Variants in FRMPD4 observed in about 807,000 individuals in gnomAD.
The protein encoded by FRMPD4 is FERM and PDZ domain-containing protein 4.
In FRMPD4, 22 loss-of-function variants were observed where a neutral mutation model predicts 94.1. That is an observed-to-expected ratio of 0.23 (90% CI 0.17 to 0.33). The LOEUF (loss-of-function observed/expected upper bound fraction) is 0.33. Among genes scored for constraint, FRMPD4 ranks in the 10% least tolerant of loss-of-function variants. The probability of loss-of-function intolerance (pLI) is 1.00; values close to 1 mark genes in which losing one functional copy is unlikely to be tolerated. For missense variants in FRMPD4, 1,111 were observed against 1,339.9 expected (o/e 0.83, Z 2.67); for synonymous variants, 631 against 548.6 (o/e 1.15, Z -2.10).
intron 2 of FRMPD4, among the ~76,000 whole-genome samples, chrX:12,559,304 A>G (rs1024286448): frequency 7.1e-5 from 8 of 112,080 alleles, no homozygotes; most frequent in Admixed American, 2.8e-4. Context: ...GGAAGTGACA[A>G]AAGATTTTTC....
intron 3 of FRMPD4, among the ~76,000 whole-genome samples, chrX:12,017,530 T>C (rs2054610427): frequency 8.9e-6 from 1 of 112,212 alleles, no homozygotes; most frequent in Admixed American, 9.4e-5. Context: ...AAAGAGCTCG[T>C]TCAGGCCCAA....
chrX:12,026,337 AC>A (rs1324281305), intron 3 of FRMPD4, among the ~76,000 whole-genome samples: 1 of 111,836 alleles, frequency 8.9e-6, no homozygotes, highest in Non-Finnish European at 1.9e-5. Context: ...TTTTTTAAGT[AC>A]TAGGGATGGA....
intron 4 of FRMPD4, among the ~76,000 whole-genome samples, chrX:12,616,731 G>A (rs1165529504): frequency 8.9e-6 from 1 of 112,545 alleles, no homozygotes; most frequent in African/African-American, 3.2e-5. Context: ...AGATGTGTGT[G>A]GGTGTCAGCA....
At position 12,208,683 on chromosome X, in the gene FRMPD4, C is replaced by A. The variant is rs184376458; in HGVS notation, c.41+69671C>A. On this transcript the variant is annotated intron_variant, in intron 1 of 16. Transcript: ENST00000675598. ...ATAAAAATAGGCATATAATACCTTA[C>A]TATACTATAATAAAATGTTTACAGT... Among the ~76,000 whole-genome samples the A allele has an allele frequency of 9.9e-3, 1,102 of 111,779 alleles. 10 individuals carry two copies. The highest frequency in any genetic ancestry group is 0.033 in the African/African-American group (1,007 of 30,854).
intron 7 of FRMPD4, among the ~76,000 whole-genome samples, chrX:12,688,787 T>C (rs1347091475): frequency 9.3e-6 from 1 of 107,635 alleles, no homozygotes; most frequent in East Asian, 2.9e-4. Context: ...GTCAAGGCAT[T>C]TCTCTTGAAT....
intron 1 of FRMPD4, among the ~76,000 whole-genome samples, chrX:12,363,394 G>A (rs1232333446): frequency 2.7e-5 from 3 of 112,635 alleles, no homozygotes; most frequent in Admixed American, 9.3e-5. Flanking sequence ...GGACAGACAG[G>A]CAGGGCTCAC....
At chrX:11,885,714 G>A (rs1327115570) in intron 3 of FRMPD4, among the ~76,000 whole-genome samples, 2 of 110,596 alleles carry the variant, frequency 1.8e-5, no homozygotes, top group Non-Finnish European at 3.8e-5. Context: ...TTTAGGGCAC[G>A]GGGCTTCAAT....
chrX:11,964,832 A>C (rs769192317), intron 3 of FRMPD4, among the ~76,000 whole-genome samples: 1 of 113,073 alleles, frequency 8.8e-6, no homozygotes, highest in East Asian at 2.8e-4. Flanking sequence ...CACTAGACTG[A>C]AACTGAGATG....
intron 1 of FRMPD4, among the ~76,000 whole-genome samples, chrX:12,300,058 G>A (rs779005178): frequency 1.1e-4 from 12 of 111,952 alleles, no homozygotes; most frequent in African/African-American, 3.9e-4. Context: ...ATTCTGACTC[G>A]CAGGGACTTG....
intron 1 of FRMPD4, among the ~76,000 whole-genome samples, chrX:12,332,203 TATATAGAGAGAG>T (rs1334546919): frequency 4.4e-5 from 3 of 67,905 alleles, no homozygotes; most frequent in African/African-American, 2.5e-4. Context: ...TATATATATA[TATATAGAGAGAG>T]AGAGAGAGAG....
intron 3 of FRMPD4, among the ~76,000 whole-genome samples, chrX:12,091,223 A>G (rs1259254034): frequency 3.7e-5 from 4 of 108,401 alleles, no homozygotes; most frequent in African/African-American, 1.3e-4. Flanking sequence ...CATTGCTGCA[A>G]ATTGTATCAG....
intron 3 of FRMPD4, among the ~76,000 whole-genome samples, chrX:12,001,313 G>C (rs190193841): frequency 3.2e-4 from 36 of 112,295 alleles, no homozygotes; most frequent in African/African-American, 1.1e-3. Context: ...CTCCTTCAAG[G>C]TGGATCATGT....
intron 2 of FRMPD4, among the ~76,000 whole-genome samples, chrX:12,593,005 T>A (rs1257562307): frequency 8.9e-6 from 1 of 111,901 alleles, no homozygotes; most frequent in Non-Finnish European, 1.9e-5. Context: ...CCTCCCACTC[T>A]AACCTGGGTT....
At position 12,718,663 on chromosome X, in the gene FRMPD4, C is replaced by G. The variant is rs1021284695; in HGVS notation, c.3837C>G (p.His1279Gln). Residue 1279 changes from histidine (H) to glutamine (Q), a missense_variant, in exon 16 of 17, where the codon CAC becomes CAG. His to Gln is a conservative substitution (Grantham distance 24). Around this residue, in one of 8 missense-constraint regions of FRMPD4, gnomAD observed 551 missense variants for 591.6 expected, o/e 0.93. Transcript: ENST00000675598. ...ACGGAGCCACCTTTAAGGAACTGCA[C>G]CCACAGACAGAAGGGATGTGTCCAC... ...PNHGATFKEL[H>Q]PQTEGMCPRM... The G allele has an allele frequency of 3.3e-6, 4 of 1,207,913 alleles. No homozygotes were observed. Among genetic ancestry groups the G allele is most frequent in the Non-Finnish European group, 2.2e-6 (2 of 891,844 alleles).
At chrX:12,096,026 T>A in intron 3 of FRMPD4, among the ~76,000 whole-genome samples, 1 of 112,383 alleles carries the variant, frequency 8.9e-6, no homozygotes, top group Middle Eastern at 4.6e-3. Context: ...GGGTAGCTAA[T>A]AAGCTTCACA....
At chrX:12,479,542 C>T (rs1466369363) in intron 1 of FRMPD4, among the ~76,000 whole-genome samples, 1 of 105,214 alleles carries the variant, frequency 9.5e-6, no homozygotes, top group Non-Finnish European at 1.9e-5. Flanking sequence ...CACTATGTTA[C>T]TCAGGCTGGA....
chrX:12,708,113 C>T (rs1424306319), intron 13 of FRMPD4, among the ~76,000 whole-genome samples: 1 of 111,872 alleles, frequency 8.9e-6, no homozygotes, highest in Non-Finnish European at 1.9e-5. Flanking sequence ...TCTGTCTTCT[C>T]ATATGGTAGC....
intron 1 of FRMPD4, among the ~76,000 whole-genome samples, chrX:12,420,362 C>G (rs1260746692): frequency 8.9e-6 from 1 of 112,177 alleles, no homozygotes; most frequent in Non-Finnish European, 1.9e-5. Context: ...TCCTAACTGG[C>G]TCTTTTCTAG....
chrX:12,187,861 G>A (rs1165763467), intron 1 of FRMPD4, among the ~76,000 whole-genome samples: 1 of 111,640 alleles, frequency 9.0e-6, no homozygotes, highest in Non-Finnish European at 1.9e-5. Flanking sequence ...CACAGCCAAA[G>A]AACGACACTG....
Sources: gnomAD v4.1 joint callset for allele counts (sites outside exome capture counted in the v4.1 genomes callset) on GRCh38, gnomAD v4.1.1 for gene constraint, gnomAD v4.1.1 regional missense constraint, MANE v1.5 for transcripts, NCBI Gene and HGNC (gene_info 2026-07-23, HGNC 2026-07-21) for gene names.